The following ZNF385B variants were observed in gnomAD, a reference collection of about 807,000 sequenced individuals.
ZNF385B encodes the protein zinc finger protein 533.
ZNF385B carries 23 observed loss-of-function variants against 39.2 expected under a neutral mutation model. The observed-to-expected ratio is 0.59, with a 90% CI of 0.42 to 0.83. The LOEUF (loss-of-function observed/expected upper bound fraction) is 0.83. Among genes scored for constraint, ZNF385B ranks in the 40% least tolerant of loss-of-function variants. The probability of loss-of-function intolerance (pLI) is 0.00; values close to 1 mark genes in which losing one functional copy is unlikely to be tolerated. For missense variants in ZNF385B, 552 were observed against 598.9 expected (o/e 0.92, Z 0.82); for synonymous variants, 205 against 222.6 (o/e 0.92, Z 0.70).
intron 1 of ZNF385B, among the ~76,000 whole-genome samples, chr2:179,820,714 T>C (rs2106581760): frequency 6.6e-6 from 1 of 152,248 alleles, no homozygotes; most frequent in Non-Finnish European, 1.5e-5. Flanking sequence ...ATTATTTTCT[T>C]AAAAGGCTAT....
At chr2:179,768,465 A>C (rs1333630513) in intron 3 of ZNF385B, among the ~76,000 whole-genome samples, 1 of 152,232 alleles carries the variant, frequency 6.6e-6, no homozygotes, top group African/African-American at 2.4e-5. Flanking sequence ...AAAAGTAGTT[A>C]GATTTGGCTT....
chr2:179,743,610 A>G (rs1004919143), intron 3 of ZNF385B, among the ~76,000 whole-genome samples: 12 of 152,110 alleles, frequency 7.9e-5, no homozygotes, highest in African/African-American at 2.7e-4. Flanking sequence ...AAGAATCAGC[A>G]CAAAAATAAA....
intron 3 of ZNF385B, among the ~76,000 whole-genome samples, chr2:179,696,326 C>CTTTTATTTTTTTT (rs1698745081): frequency 2.5e-5 from 1 of 40,354 alleles, no homozygotes; most frequent in Non-Finnish European, 4.1e-5. Context: ...CAAACTGGGA[C>CTTTTATTTTTTTT]TTTTTTTTTT....
intron 5 of ZNF385B, among the ~76,000 whole-genome samples, chr2:179,498,546 A>G (rs1465965080): frequency 6.6e-6 from 1 of 152,032 alleles, no homozygotes; most frequent in Admixed American, 6.6e-5. Flanking sequence ...TTTGGAAACT[A>G]TACAAATATA....
chr2:179,529,952 G>A (rs573105180), intron 4 of ZNF385B, among the ~76,000 whole-genome samples: 76 of 152,110 alleles, frequency 5.0e-4, no homozygotes, highest in African/African-American at 1.7e-3. Flanking sequence ...TATCTCCTTC[G>A]GGTGAAATGA....
chr2:179,589,610 A>G (rs1687384468), intron 3 of ZNF385B, among the ~76,000 whole-genome samples: 1 of 152,206 alleles, frequency 6.6e-6, no homozygotes, highest in Admixed American at 6.5e-5. Context: ...CCTATTTCCT[A>G]TTTGTATATA....
At chr2:179,512,662 C>A (rs2057768809) in intron 5 of ZNF385B, among the ~76,000 whole-genome samples, 1 of 152,154 alleles carries the variant, frequency 6.6e-6, no homozygotes, top group African/African-American at 2.4e-5. Context: ...CAGGGTTAGA[C>A]AGCCCCATTC....
chr2:179,824,178 A>G (rs1371369954), intron 1 of ZNF385B, among the ~76,000 whole-genome samples: 1 of 152,164 alleles, frequency 6.6e-6, no homozygotes, highest in East Asian at 1.9e-4. Flanking sequence ...AAATGCTAGT[A>G]TCTACTCCAG....
At chr2:179,684,276 G>C (rs1697757454) in intron 3 of ZNF385B, among the ~76,000 whole-genome samples, 1 of 152,164 alleles carries the variant, frequency 6.6e-6, no homozygotes, top group Non-Finnish European at 1.5e-5. Context: ...TTTGTACTCA[G>C]AGTTTAGCTT....
chr2:179,485,598 T>C (rs2054481729), intron 5 of ZNF385B, among the ~76,000 whole-genome samples: 1 of 152,176 alleles, frequency 6.6e-6, no homozygotes, highest in African/African-American at 2.4e-5. Context: ...GATGAATTTA[T>C]TCATGCCAAA....
At chr2:179,579,537 C>CATGAATAAATAT (rs1686240762) in intron 3 of ZNF385B, among the ~76,000 whole-genome samples, 1 of 152,014 alleles carries the variant, frequency 6.6e-6, no homozygotes, top group South Asian at 2.1e-4. Flanking sequence ...TGAATATATA[C>CATGAATAAATAT]ATGAATAAAT....
intron 1 of ZNF385B, among the ~76,000 whole-genome samples, chr2:179,835,430 T>A (rs991143832): frequency 3.9e-5 from 6 of 152,224 alleles, no homozygotes; most frequent in Admixed American, 2.0e-4. Flanking sequence ...TAGCCCATAT[T>A]ATTCAGGTAG....
At chr2:179,808,451 C>G (rs1706533002) in intron 1 of ZNF385B, among the ~76,000 whole-genome samples, 1 of 152,156 alleles carries the variant, frequency 6.6e-6, no homozygotes, top group Non-Finnish European at 1.5e-5. Context: ...CAAAGGCACA[C>G]AGAAACATCA....
intron 3 of ZNF385B, among the ~76,000 whole-genome samples, chr2:179,683,384 A>C (rs1250491845): frequency 6.6e-6 from 1 of 152,066 alleles, no homozygotes; most frequent in African/African-American, 2.4e-5. Flanking sequence ...AGTGTCTCAA[A>C]AAAGAAAAAA....
intron 3 of ZNF385B, chr2:179,562,273 C>T: frequency 1.5e-6 from 1 of 670,900 alleles, no homozygotes; most frequent in Non-Finnish European, 1.8e-6. Flanking sequence ...TTAGCAAATT[C>T]TATTTGTCTT....
chr2:179,760,223 CGT>C (rs1553525685), intron 3 of ZNF385B, among the ~76,000 whole-genome samples: 6,099 of 144,156 alleles, frequency 0.042, 207 homozygotes, highest in African/African-American at 0.095. Flanking sequence ...TTCCTGTGTG[CGT>C]GTGTGTGTGT....
chr2:179,815,065 G>C (rs556387938), intron 1 of ZNF385B, among the ~76,000 whole-genome samples: 1 of 152,256 alleles, frequency 6.6e-6, no homozygotes, highest in South Asian at 2.1e-4. Context: ...AGTTAGACGG[G>C]AATACAAATT....
At chr2:179,611,795 C>T (rs1287171467) in intron 3 of ZNF385B, among the ~76,000 whole-genome samples, 1 of 152,104 alleles carries the variant, frequency 6.6e-6, no homozygotes, top group Non-Finnish European at 1.5e-5. Context: ...TTATTCTAGG[C>T]TTTCCAATTT....
intron 3 of ZNF385B, among the ~76,000 whole-genome samples, chr2:179,608,884 GTGTGTGTGTGTA>G (rs1289279656): frequency 2.1e-5 from 2 of 94,416 alleles, no homozygotes; most frequent in East Asian, 3.1e-4. Flanking sequence ...GTGTGTGTGT[GTGTGTGTGTGTA>G]TTTAATTTCA....
Sources: gnomAD v4.1 joint callset for allele counts (sites outside exome capture counted in the v4.1 genomes callset) on GRCh38, gnomAD v4.1.1 for gene constraint, MANE v1.5 for transcripts, NCBI Gene and HGNC (gene_info 2026-07-23, HGNC 2026-07-21) for gene names.